Variants in NBAS observed in about 807,000 individuals in gnomAD.
NBAS encodes NAG/BC035112 fusion.
In NBAS, 219 loss-of-function variants were observed where a neutral mutation model predicts 302.5. The observed-to-expected ratio is 0.72, with a 90% CI of 0.65 to 0.81. The LOEUF (loss-of-function observed/expected upper bound fraction) is 0.81. Among genes scored for constraint, NBAS ranks in the 30% least tolerant of loss-of-function variants. The probability of loss-of-function intolerance (pLI) is 0.00; values close to 1 mark genes in which losing one functional copy is unlikely to be tolerated. For missense variants in NBAS, 2,932 were observed against 2,841.6 expected (o/e 1.03, Z -0.72); for synonymous variants, 1,118 against 1,021.6 (o/e 1.09, Z -1.80).
intron 28 of NBAS, among the ~76,000 whole-genome samples, chr2:15,385,245 T>C (rs530926001): frequency 7.0e-4 from 106 of 152,326 alleles, no homozygotes; most frequent in African/African-American, 2.1e-3. Flanking sequence ...TTCAAAAAAC[T>C]GGAGGGCTCT....
the NBAS span, among the ~76,000 whole-genome samples, chr2:15,078,216 C>T: frequency 6.6e-6 from 1 of 152,028 alleles, no homozygotes; most frequent in South Asian, 2.1e-4. Context: ...ATGGGAAGTC[C>T]TAGAAAGGTT....
intron 35 of NBAS, among the ~76,000 whole-genome samples, chr2:15,342,100 C>A (rs369812852): frequency 7.9e-4 from 121 of 152,234 alleles, no homozygotes; most frequent in African/African-American, 2.9e-3. Context: ...TAAAAATAAA[C>A]CACAAGAAAA....
At chr2:15,021,628 G>T in the NBAS span, among the ~76,000 whole-genome samples, 1 of 145,938 alleles carries the variant, frequency 6.9e-6, no homozygotes, top group Non-Finnish European at 1.5e-5. Flanking sequence ...CACCCACTTT[G>T]GCCCTGACTG....
At chr2:15,401,731 A>G (rs1201991181) in intron 26 of NBAS, among the ~76,000 whole-genome samples, 1 of 152,210 alleles carries the variant, frequency 6.6e-6, no homozygotes, top group Non-Finnish European at 1.5e-5. Context: ...AAGCAGTTAA[A>G]AATTAGGTAC....
At chr2:15,189,422 G>A (rs1363494330) in intron 49 of NBAS, among the ~76,000 whole-genome samples, 5 of 152,126 alleles carry the variant, frequency 3.3e-5, no homozygotes, top group African/African-American at 7.2e-5. Context: ...CCTCAGACAC[G>A]TGGAGATGTT....
At chr2:15,247,813 C>G (rs1300965613) in intron 44 of NBAS, among the ~76,000 whole-genome samples, 2 of 151,610 alleles carry the variant, frequency 1.3e-5, no homozygotes, top group Admixed American at 1.3e-4. Context: ...AAAGCAAGTT[C>G]CTAGAGACCT....
chr2:15,233,301 C>T (rs186079877), intron 46 of NBAS, among the ~76,000 whole-genome samples: 1 of 152,028 alleles, frequency 6.6e-6, no homozygotes, highest in Non-Finnish European at 1.5e-5. Context: ...CCAAGTATAC[C>T]ATTTATTGGA....
intron 21 of NBAS, among the ~76,000 whole-genome samples, chr2:15,437,321 G>C (rs956469303): frequency 6.6e-6 from 1 of 152,144 alleles, no homozygotes; most frequent in African/African-American, 2.4e-5. Flanking sequence ...TCTCTTGAAA[G>C]AGAAAGAGAG....
the NBAS span, among the ~76,000 whole-genome samples, chr2:15,119,935 G>A: frequency 6.6e-6 from 1 of 152,154 alleles, no homozygotes; most frequent in African/African-American, 2.4e-5. Flanking sequence ...GCAGGAAGTG[G>A]CCCACCTGCA....
chr2:14,853,707 T>C, the NBAS span, among the ~76,000 whole-genome samples: 1 of 102,868 alleles, frequency 9.7e-6, no homozygotes, highest in East Asian at 2.5e-4. Context: ...ATTAAGAAAA[T>C]GTGGCACATA....
chr2:15,445,680 C>T (rs986246870), intron 21 of NBAS, among the ~76,000 whole-genome samples: 15 of 151,054 alleles, frequency 9.9e-5, no homozygotes, highest in African/African-American at 2.9e-4. Flanking sequence ...TTTAAATTTA[C>T]TTTCAACTAA....
chr2:15,356,611 G>A (rs1044917266), intron 32 of NBAS, among the ~76,000 whole-genome samples, 195 bp from the exon 33 acceptor site: 1 of 152,172 alleles, frequency 6.6e-6, no homozygotes, highest in Non-Finnish European at 1.5e-5. Flanking sequence ...AGTCTCCTAA[G>A]AGATCAATGA....
At chr2:15,457,010 T>G (rs1679277315) in intron 21 of NBAS, among the ~76,000 whole-genome samples, 1 of 151,990 alleles carries the variant, frequency 6.6e-6, no homozygotes, top group African/African-American at 2.4e-5. Flanking sequence ...AGATTCAGAA[T>G]GAAGTAAGAG....
At chr2:15,064,729 C>A in the NBAS span, among the ~76,000 whole-genome samples, 270 of 152,234 alleles carry the variant, frequency 1.8e-3, 4 homozygotes, top group African/African-American at 6.2e-3. Context: ...ATGAGGTCAG[C>A]ATTACCCTGA....
the NBAS span, among the ~76,000 whole-genome samples, chr2:15,089,837 C>T: frequency 2.7e-5 from 4 of 150,598 alleles, no homozygotes; most frequent in Non-Finnish European, 5.9e-5. Context: ...CAACCTCTGC[C>T]TCCCAGGTTC....
intron 38 of NBAS, among the ~76,000 whole-genome samples, chr2:15,322,822 G>C (rs927543218): frequency 6.6e-6 from 1 of 152,012 alleles, no homozygotes; most frequent in Admixed American, 6.6e-5. Flanking sequence ...ATAGCCAAAG[G>C]TAACTGTTCC....
chr2:15,443,660 A>G (rs1678564707), intron 21 of NBAS, among the ~76,000 whole-genome samples: 2 of 150,760 alleles, frequency 1.3e-5, no homozygotes, highest in African/African-American at 4.9e-5. Context: ...CAGGGCAATT[A>G]GGCAGGAGAA....
the NBAS span, among the ~76,000 whole-genome samples, chr2:14,860,362 A>G: frequency 6.6e-6 from 1 of 152,208 alleles, no homozygotes; most frequent in Non-Finnish European, 1.5e-5. Context: ...GAATTGATGT[A>G]CTGAAGAGAC....
chr2:15,088,373 T>G, the NBAS span, among the ~76,000 whole-genome samples: 4 of 152,240 alleles, frequency 2.6e-5, no homozygotes, highest in Non-Finnish European at 5.9e-5. Context: ...TTTTATATTT[T>G]TCTGCTCTTC....
Sources: allele counts gnomAD v4.1 joint callset (sites outside exome capture counted in the v4.1 genomes callset), GRCh38; gene constraint gnomAD v4.1.1; transcripts MANE v1.5; gene names NCBI Gene and HGNC (gene_info 2026-07-23, HGNC 2026-07-21).